Variants in SOX6 observed in about 807,000 individuals in gnomAD.
SOX6 encodes transcription factor SOX-6.
A neutral mutation model predicts 97.8 loss-of-function variants in SOX6; 11 were observed. The ratio of observed to expected loss-of-function variants is 0.11; its 90% CI spans 0.07 to 0.19. SOX6 has a LOEUF of 0.19. SOX6 is among the 10% of genes least tolerant of loss of function. SOX6 has a pLI of 1.00. For synonymous variants in SOX6, 360 were observed against 371.4 expected (o/e 0.97, Z 0.35); for missense variants, 810 against 1,039.5 (o/e 0.78, Z 3.04).
At chr11:16,690,761 T>A (rs1848007077) in intron 3 of SOX6, among the ~76,000 whole-genome samples, 1 of 152,228 alleles carries the variant, frequency 6.6e-6, no homozygotes, top group African/African-American at 2.4e-5. Flanking sequence ...TTACATCATT[T>A]GTAAAGTGGG....
At position 16,541,715 on chromosome 11, in the gene SOX6, G is replaced by T. The variant is rs190451930; in HGVS notation, n.610-65327C>A. 1.8e-4 allele frequency among the ~76,000 whole-genome samples: 28 copies of T among 152,290 alleles called. No individual in the cohort carries two copies. The East Asian group carries it at 4.4e-3, about 24-fold the overall frequency. Reference sequence around the variant, plus strand: ...GCAGCCAGCAGACACATGAAAAAATGCTCATCATCACTGGTTATCAGAGAA... The same window carrying T: ...GCAGCCAGCAGACACATGAAAAAATTCTCATCATCACTGGTTATCAGAGAA... On this transcript the variant is annotated intron_variant and non_coding_transcript_variant, in intron 4 of 5. Transcript: ENST00000524520.
Position 16,605,278 on chromosome 11 carries a change from G to A in SOX6, n.609+6803C>T, listed in dbSNP as rs1352209178. Among the ~76,000 whole-genome samples, 3 of 152,108 alleles carry A rather than the reference G, an allele frequency of 2.0e-5. No individual in the cohort carries two copies. The highest frequency in any genetic ancestry group is 7.2e-5 in the African/African-American group (3 of 41,458). The stretch of plus-strand genomic sequence containing the variant: ...GTGCCGGCGACCGTGCGCTCGGCCG[G>A]GTGACTCCCTGGCGAAGTCCGCGCC... On this transcript the variant is annotated intron_variant and non_coding_transcript_variant, in intron 4 of 5. Coordinates refer to the SOX6 transcript ENST00000524520. This position sits in a 1 kb window ranked among gnomAD's most constrained non-coding sequence, Gnocchi z 5.3.
At chr11:16,623,398 CT>C (rs1228358232) in intron 3 of SOX6, among the ~76,000 whole-genome samples, 13 of 147,702 alleles carry the variant, frequency 8.8e-5, no homozygotes, top group African/African-American at 3.1e-4. Context: ...CCTTAGGGCA[CT>C]TTTTTATGGG....
chr11:16,612,984 C>CA (rs1848418158), intron 3 of SOX6: 1 of 152,284 alleles, frequency 6.6e-6, no homozygotes, highest in Non-Finnish European at 1.5e-5. Context: ...TTCCCCCCCA[C>CA]GATTGAATGG....
chr11:16,019,612 T>C (rs1403541040), intron 12 of SOX6, among the ~76,000 whole-genome samples: 1 of 152,154 alleles, frequency 6.6e-6, no homozygotes, highest in Non-Finnish European at 1.5e-5. Flanking sequence ...GTAAATAATT[T>C]CTATGCTCAT....
At chr11:15,999,969 A>G (rs1182413985) in intron 13 of SOX6, among the ~76,000 whole-genome samples, 1 of 152,212 alleles carries the variant, frequency 6.6e-6, no homozygotes, top group Non-Finnish European at 1.5e-5. Context: ...TGAAATTAGA[A>G]AAGAGAGTAC....
intron 4 of SOX6, among the ~76,000 whole-genome samples, chr11:16,595,987 C>A (rs1260582725): frequency 2.0e-5 from 3 of 151,942 alleles, no homozygotes; most frequent in African/African-American, 7.3e-5. Context: ...TCATATTATC[C>A]CTCAATAAAA....
At chr11:16,603,776 A>C (rs920549990) in intron 4 of SOX6, among the ~76,000 whole-genome samples, 4 of 152,166 alleles carry the variant, frequency 2.6e-5, no homozygotes, top group African/African-American at 9.7e-5. Context: ...CCAATAGTTG[A>C]ACAGCCGAAA....
intron 1 of SOX6, among the ~76,000 whole-genome samples, chr11:16,436,634 T>C (rs1859380904): frequency 6.6e-6 from 1 of 152,174 alleles, no homozygotes; most frequent in Non-Finnish European, 1.5e-5. Context: ...ATAGTTAATC[T>C]TTCTAACTCT....
At chr11:16,614,987 C>T (rs1317821604) in intron 3 of SOX6, among the ~76,000 whole-genome samples, 1 of 152,084 alleles carries the variant, frequency 6.6e-6, no homozygotes, top group Non-Finnish European at 1.5e-5. Flanking sequence ...GCCACAGCAA[C>T]CCGATGCTAA....
intron 3 of SOX6, among the ~76,000 whole-genome samples, chr11:16,253,384 G>T (rs1191825754): frequency 6.6e-6 from 1 of 151,812 alleles, no homozygotes; most frequent in Non-Finnish European, 1.5e-5. Context: ...ATCAGAGCCA[G>T]AGTCAAATGT....
intron 3 of SOX6, among the ~76,000 whole-genome samples, chr11:16,238,795 A>C (rs1020161775): frequency 3.3e-5 from 5 of 152,130 alleles, no homozygotes; most frequent in African/African-American, 1.2e-4. Flanking sequence ...AAACACTAGA[A>C]ACAACATAAA....
chr11:16,186,753 C>G, intron 5 of SOX6, 30 bp downstream of exon 5: 1 of 1,611,224 alleles, frequency 6.2e-7, no homozygotes, highest in Non-Finnish European at 8.5e-7. Flanking sequence ...TCCACATCTC[C>G]AGTTCGTCAG....
intron 4 of SOX6, among the ~76,000 whole-genome samples, chr11:16,520,250 T>C (rs1413243019): frequency 6.6e-6 from 1 of 152,228 alleles, no homozygotes; most frequent in Non-Finnish European, 1.5e-5. Flanking sequence ...GCTTTTGAGG[T>C]CATAGTCATG....
chr11:16,671,739 C>T (rs1315702821), intron 3 of SOX6, among the ~76,000 whole-genome samples: 2 of 152,176 alleles, frequency 1.3e-5, no homozygotes, highest in African/African-American at 4.8e-5. Context: ...GGATATCATC[C>T]ATGAAAACTC....
rs866520194 is a variant in SOX6, at chr11:16,426,845, C to T, written c.-5+49470G>A. On this transcript the variant is annotated intron_variant, in intron 1 of 15. Coordinates refer to the SOX6 transcript ENST00000396356. ...AGGAGAATGGCGTGAACCCGGGAGG[C>T]GGAGCTTGCAGTGAGCCGAGATCCC... 5.6e-5 allele frequency among the ~76,000 whole-genome samples: 7 copies of T among 124,474 alleles called. No homozygotes were observed. The South Asian group carries it at 8.7e-4, about 15-fold the overall frequency. The allele number at this position is 124,474 out of a possible 152,430, so 81.7% of individuals were successfully genotyped here. A position where few individuals can be genotyped will look rare whatever the true frequency, so the allele number is the denominator to read the frequency against.
At chr11:16,642,576 T>C (rs7482541) in intron 3 of SOX6, among the ~76,000 whole-genome samples, 51,405 of 152,072 alleles carry the variant, frequency 0.34, 9,413 homozygotes, top group Non-Finnish European at 0.42. Flanking sequence ...TTTGGTCTTT[T>C]CACATAGCCC....
chr11:16,181,583 G>C (rs1851349115), intron 6 of SOX6, among the ~76,000 whole-genome samples: 1 of 149,236 alleles, frequency 6.7e-6, no homozygotes, highest in East Asian at 2.0e-4. Context: ...AAGAAAGTCT[G>C]AATGTCAAAT....
chr11:16,257,569 T>A (rs934300447), intron 3 of SOX6, among the ~76,000 whole-genome samples: 18 of 151,874 alleles, frequency 1.2e-4, no homozygotes, highest in African/African-American at 4.3e-4. Context: ...AAATTGATCA[T>A]AGACCTAAAT....
Sources: gnomAD v4.1 joint callset for allele counts (sites outside exome capture counted in the v4.1 genomes callset) on GRCh38, gnomAD v4.1.1 for gene constraint, Gnocchi (gnomAD v3.1) non-coding constraint, MANE v1.5 for transcripts, NCBI Gene and HGNC (gene_info 2026-07-23, HGNC 2026-07-21) for gene names.